The following DCLK2 variants were observed in gnomAD, a reference collection of about 807,000 sequenced individuals.
DCLK2 encodes doublecortin like kinase 2, also known as serine/threonine-protein kinase DCLK2.
DCLK2 carries 31 observed loss-of-function variants against 78.4 expected under a neutral mutation model. The observed-to-expected ratio is 0.40, with a 90% CI of 0.30 to 0.53. The LOEUF (loss-of-function observed/expected upper bound fraction) is 0.53. Among genes scored for constraint, DCLK2 ranks in the 20% least tolerant of loss-of-function variants. The pLI is 0.61. For synonymous variants in DCLK2, 407 were observed against 374.9 expected, an observed-to-expected ratio of 1.09 and a Z score of -0.99; for missense variants, 872 against 973.7, an observed-to-expected ratio of 0.90 and a Z score of 1.39.
chr4:150,178,770 G>A (rs944980454), intron 2 of DCLK2, among the ~76,000 whole-genome samples: 1 of 152,132 alleles, frequency 6.6e-6, no homozygotes, highest in South Asian at 2.1e-4. Flanking sequence ...GGGAACTGAA[G>A]TTTATTTTCT....
intron 2 of DCLK2, among the ~76,000 whole-genome samples, chr4:150,185,423 T>C (rs1468528162): frequency 6.6e-6 from 1 of 151,942 alleles, no homozygotes; most frequent in Non-Finnish European, 1.5e-5. Flanking sequence ...CATAGTATTT[T>C]TTTTTTTTTA....
At chr4:150,144,096 T>C (rs1734292581) in intron 2 of DCLK2, among the ~76,000 whole-genome samples, 1 of 152,176 alleles carries the variant, frequency 6.6e-6, no homozygotes, top group Admixed American at 6.5e-5. Flanking sequence ...TTTTGGGGTG[T>C]TCGTCATAAA....
chr4:150,179,130 C>T (rs1737306679), intron 2 of DCLK2, among the ~76,000 whole-genome samples: 1 of 152,114 alleles, frequency 6.6e-6, no homozygotes. Context: ...CAGGTTCACG[C>T]CATTCTCCTG....
intron 6 of DCLK2, 87 bp from the exon 7 acceptor site, chr4:150,221,590 C>T: frequency 1.3e-6 from 1 of 753,814 alleles, no homozygotes; most frequent in Non-Finnish European, 2.1e-6. Flanking sequence ...GAAATAAATG[C>T]ATCGCAGTTT....
At chr4:150,212,870 G>A (rs1172708591) in intron 5 of DCLK2, among the ~76,000 whole-genome samples, 2 of 152,174 alleles carry the variant, frequency 1.3e-5, no homozygotes, top group Non-Finnish European at 2.9e-5. Context: ...TCTTGGTAGT[G>A]CATTATAGGT....
chr4:150,250,863 CCCCCAACAT>C (rs1743755378), intron 15 of DCLK2, among the ~76,000 whole-genome samples: 3 of 115,852 alleles, frequency 2.6e-5, no homozygotes, highest in African/African-American at 6.2e-5. Context: ...CATCCCCACA[CCCCCAACAT>C]CCCCCACACT....
In DCLK2 at chr4:150,193,257, G is replaced by A. The variant is rs1362355826; in HGVS notation, c.859+17G>A. 5.3e-6 allele frequency: 8 copies of A among 1,520,446 alleles called. No individual in the cohort carries two copies. In the African/African-American group the frequency reaches 9.6e-5, roughly 18 times the overall value. 94.2% of individuals were successfully genotyped at this position (1,520,446 alleles called of 1,614,324 possible). A position where few individuals can be genotyped will look rare whatever the true frequency, so the allele number is the denominator to read the frequency against. On this transcript the variant is annotated intron_variant, in intron 3 of 15. Coordinates refer to ENST00000296550, the MANE Select transcript of DCLK2 (RefSeq NM_001040260.4). Reference sequence around the variant, plus strand: ...ATCATAGTGGTAAGGCAATTCTTCAGCTAATTCATTTTTCCATCTTTGTAA... The same window carrying A: ...ATCATAGTGGTAAGGCAATTCTTCAACTAATTCATTTTTCCATCTTTGTAA...
In DCLK2 at chr4:150,102,580, G is replaced by A. The variant is rs775578648; in HGVS notation, c.524G>A (p.Arg175Gln). Reference protein sequence around the residue: ...WSVNIKGGTSRALAAASSVKS... With the variant: ...WSVNIKGGTSQALAAASSVKS... ...GTGAACATCAAGGGTGGGACATCCCGAGCGCTGGCTGCTGCCTCCTCTGTG... is the reference window on the plus strand; with the variant it reads ...GTGAACATCAAGGGTGGGACATCCCAAGCGCTGGCTGCTGCCTCCTCTGTG... Residue 175 changes from arginine (R) to glutamine (Q), a missense_variant, in exon 2 of 16, where the codon CGA (arginine) becomes CAA (glutamine). Arg to Gln is a conservative substitution (Grantham distance 43). Transcript: ENST00000296550. 2.2e-5 allele frequency: 35 copies of A among 1,614,006 alleles called. No individual in the cohort carries two copies. Among genetic ancestry groups the A allele is most frequent in the Admixed American group, 3.3e-5 (2 of 59,986 alleles).
At chr4:150,229,973 G>A (rs945304081) in intron 8 of DCLK2, among the ~76,000 whole-genome samples, 3 of 152,074 alleles carry the variant, frequency 2.0e-5, no homozygotes, top group African/African-American at 4.8e-5. Flanking sequence ...AATAGATAAC[G>A]TTTGTAACGA....
rs911831876 is a variant in DCLK2, at chr4:150,238,805, C to A, written c.1567-937C>A. Among the ~76,000 whole-genome samples, 21 of 152,096 alleles carry A rather than the reference C, an allele frequency of 1.4e-4. 1 individual carries two copies. The highest frequency in any genetic ancestry group is 3.3e-4 in the Admixed American group (5 of 15,280). ...AGAGAGGTTATGTGACTTCAGAGGT[C>A]ACACAACCAGATGTGTGGACTTGTT... is the stretch of plus-strand genomic sequence containing the variant. On this transcript the variant is annotated intron_variant, in intron 10 of 15. Transcript: ENST00000296550.
rs1228169229 is a variant in DCLK2, at chr4:150,232,370, C to T, written c.1333C>T (p.Arg445Cys). Residue 445 changes from arginine to cysteine, a missense_variant, in exon 9 of 16, where the codon CGC becomes TGC. Arg to Cys is a radical substitution (Grantham distance 180, BLOSUM62 -3). Transcript: ENST00000296550. Reference sequence around the variant, plus strand: ...GATTGAGAATGAAGTGTCAATACTGCGCCGAGTGAAACATCCCAATATCAT... The same window carrying T: ...GATTGAGAATGAAGTGTCAATACTGTGCCGAGTGAAACATCCCAATATCAT... ...HLIENEVSIL[R>C]RVKHPNIIML... 6.8e-6 allele frequency: 11 copies of T among 1,613,942 alleles called. No individual in the cohort carries two copies. Among genetic ancestry groups the T allele is most frequent in the Admixed American group, 1.7e-5 (1 of 59,998 alleles).
At chr4:150,248,443 G>T in intron 14 of DCLK2, 58 bp downstream of exon 14, 2 of 1,391,112 alleles carry the variant, frequency 1.4e-6, no homozygotes, top group South Asian at 1.2e-5. Flanking sequence ...CAACAGCACG[G>T]TTCCTCACTG....
chr4:150,220,829 C>G, intron 6 of DCLK2, 51 bp downstream of exon 6: 1 of 1,412,622 alleles, frequency 7.1e-7, no homozygotes, highest in Non-Finnish European at 1.0e-6. Context: ...TGCATGGGGA[C>G]TTGGTGCTCA....
rs142061527 is a variant in DCLK2, at chr4:150,221,701, A to T, written c.1157A>T (p.Glu386Val). ...PEGVNGNRCS[E>V]SSTLLEKYKI... ...GGTGTGAATGGAAACAGATGCTCTG[A>T]ATCATCAACTCTTCTTGAGAAATAC... The change falls in exon 7 of 16, where the codon GAA becomes GTA. Residue 386 changes from glutamate (E) to valine (V), a missense_variant. This residue lies in a region of DCLK2 where 567 missense variants were observed against 593.4 expected (regional missense o/e 0.96). Transcript: ENST00000296550. The T allele has an allele frequency of 5.0e-6, 8 of 1,601,204 alleles. No individual in the cohort carries two copies. In the African/African-American group the frequency reaches 8.1e-5, roughly 16 times the overall value.
At position 150,195,176 on chromosome 4, in the gene DCLK2, A is replaced by T. The variant is rs796618258; in HGVS notation, c.859+1936A>T. 8.4e-3 allele frequency among the ~76,000 whole-genome samples: 49 copies of T among 5,860 alleles called. 4 individuals are homozygous for T. Among genetic ancestry groups the T allele is most frequent in the Non-Finnish European group, 0.027 (28 of 1,052 alleles). The allele number at this position is 5,860 out of a possible 152,430, so 3.8% of individuals were successfully genotyped here. A position where few individuals can be genotyped will look rare whatever the true frequency, so the allele number is the denominator to read the frequency against. ...ATATATAATATTATATATTATATAC[A>T]ATATTATATATTATATAAACAATAT... On this transcript the variant is annotated intron_variant, in intron 3 of 15. Transcript: ENST00000296550.
At chr4:150,248,588 G>A (rs1326889019) in intron 14 of DCLK2, among the ~76,000 whole-genome samples, 3 of 152,180 alleles carry the variant, frequency 2.0e-5, no homozygotes, top group South Asian at 2.1e-4. Flanking sequence ...ACCCTGCCCC[G>A]CGAGTCACCT....
chr4:150,253,378 C>G, intron 15 of DCLK2: 1 of 1,230,210 alleles, frequency 8.1e-7, no homozygotes, highest in Non-Finnish European at 1.1e-6. Context: ...AGAGCTGGGG[C>G]CTGAGACTTC....
chr4:150,171,437 C>T (rs999444816), intron 2 of DCLK2, among the ~76,000 whole-genome samples: 2 of 152,214 alleles, frequency 1.3e-5, no homozygotes, highest in South Asian at 2.1e-4. Context: ...GCAGATATCG[C>T]GCCACTGCAC....
intron 2 of DCLK2, among the ~76,000 whole-genome samples, chr4:150,130,916 A>G (rs1733265885): frequency 1.3e-5 from 2 of 152,130 alleles, no homozygotes; most frequent in Admixed American, 6.5e-5. Flanking sequence ...AGCTGGCTAC[A>G]GGTCCTAGCA....
Sources: allele counts gnomAD v4.1 joint callset (sites outside exome capture counted in the v4.1 genomes callset), GRCh38; gene constraint gnomAD v4.1.1; regional missense constraint gnomAD v4.1.1; transcripts MANE v1.5; gene names NCBI Gene and HGNC (gene_info 2026-07-23, HGNC 2026-07-21).